The following PCDHA10 variants were observed in gnomAD, a reference collection of about 807,000 sequenced individuals.
The protein encoded by PCDHA10 is protocadherin alpha 10.
In PCDHA10, 45 loss-of-function variants were observed where a neutral mutation model predicts 61.2. The observed-to-expected ratio is 0.74, with a 90% CI of 0.58 to 0.94. PCDHA10 has a LOEUF of 0.94. Ranked by LOEUF, PCDHA10 falls within the 40% of genes least tolerant of loss-of-function variation. The pLI is 0.00. For missense variants in PCDHA10, 1,278 were observed against 1,236.2 expected, an observed-to-expected ratio of 1.03 and a Z score of -0.51; for synonymous variants, 602 against 548.8, an observed-to-expected ratio of 1.10 and a Z score of -1.35.
At chr5:140,877,730 A>C in intron 1 of PCDHA10, 1 of 1,614,146 alleles carries the variant, frequency 6.2e-7, no homozygotes, top group Non-Finnish European at 8.5e-7. Context: ...TACTCGCAGC[A>C]GAGGAGGCAG....
At chr5:140,858,847 CTA>C (rs1554152061) in intron 1 of PCDHA10, 1 of 294,410 alleles carries the variant, frequency 3.4e-6, no homozygotes, top group African/African-American at 2.3e-5. Context: ...TTCCACTGAT[CTA>C]TATCTCTTCA....
At chr5:140,981,077 G>C (rs1178580802) in intron 2 of PCDHA10, among the ~76,000 whole-genome samples, 1 of 152,168 alleles carries the variant, frequency 6.6e-6, no homozygotes, top group Non-Finnish European at 1.5e-5. Flanking sequence ...GGGAAGAATA[G>C]TAAAAGGTCA....
chr5:140,856,851 C>A lies in PCDHA10; in HGVS notation c.803C>A (p.Ser268Ter). Residue 268 changes from serine to a stop codon, truncating the protein, a stop_gained, in exon 1 of 4, where the codon TCG (serine) becomes TAG (stop). Transcript: ENST00000307360. LOFTEE classifies it high-confidence loss of function. ...TLVIRLNASDSDEGINKEMMY... is the reference protein window; with the variant it reads ...TLVIRLNASD Reference sequence around the variant, plus strand: ...GTAATACGGCTCAACGCTTCTGATTCGGATGAAGGAATAAACAAGGAAATG... The same window carrying A: ...GTAATACGGCTCAACGCTTCTGATTAGGATGAAGGAATAAACAAGGAAATG... 6.3e-7 allele frequency: 1 copy of A among 1,593,160 alleles called. No individual in the cohort carries two copies.
intron 1 of PCDHA10, chr5:140,877,468 C>A (rs781957457): frequency 6.2e-7 from 1 of 1,613,810 alleles, no homozygotes; most frequent in South Asian, 1.1e-5. Flanking sequence ...GGCCACGGTG[C>A]TGGTGTCGCT....
intron 1 of PCDHA10, chr5:140,862,516 G>T: frequency 2.4e-6 from 1 of 409,748 alleles, no homozygotes; most frequent in South Asian, 1.9e-5. Flanking sequence ...CGCTTTCATT[G>T]TTGGCCACAG....
intron 1 of PCDHA10, chr5:140,861,762 T>G (rs2047066854): frequency 1.1e-5 from 1 of 90,318 alleles, no homozygotes; most frequent in Non-Finnish European, 2.3e-5. Context: ...TATTTTTCCC[T>G]GGAAATACCA....
intron 1 of PCDHA10, among the ~76,000 whole-genome samples, chr5:140,923,505 G>C (rs1281972725): frequency 6.6e-6 from 1 of 152,118 alleles, no homozygotes; most frequent in East Asian, 1.9e-4. Context: ...CTCCAGCCTG[G>C]ATGATGAAGT....
rs113613111 is a variant in PCDHA10, at chr5:140,862,633, G to A, written c.2388+4197G>A. The A allele has an allele frequency of 2.9e-3, 1,533 of 537,306 alleles. 20 individuals are homozygous for A. The highest frequency in any genetic ancestry group is 0.024 in the African/African-American group (1,268 of 52,230). 33.3% of individuals were successfully genotyped at this position (537,306 alleles called of 1,614,324 possible). Reference sequence around the variant, plus strand: ...AGGTAACAACCCGCGGGGCTGCCACGACTTCACAGTGTCCGCGCGGGACCG... The same window carrying A: ...AGGTAACAACCCGCGGGGCTGCCACAACTTCACAGTGTCCGCGCGGGACCG... On this transcript the variant is annotated intron_variant, in intron 1 of 3. Transcript: ENST00000307360.
rs372500794 is a variant in PCDHA10, at chr5:140,876,782, C to A, written c.2388+18346C>A. 5.6e-6 allele frequency: 9 copies of A among 1,614,096 alleles called. No individual in the cohort carries two copies. The East Asian group carries it at 1.8e-4, about 32-fold the overall frequency. On this transcript the variant is annotated intron_variant, in intron 1 of 3. Transcript: ENST00000307360. ...GATGGGGGCTCGCCTTCGCTGTGGG[C>A]CACGGCTAGAGTGTCCGTGGAGGTG...
At chr5:140,877,935 C>A (rs1184618592) in intron 1 of PCDHA10, 28 of 1,388,566 alleles carry the variant, frequency 2.0e-5, no homozygotes, top group Admixed American at 3.0e-5. Context: ...TGATTCTATC[C>A]TTTAAACTAT....
intron 1 of PCDHA10, among the ~76,000 whole-genome samples, chr5:140,977,960 A>G (rs760810328): frequency 9.2e-5 from 14 of 152,142 alleles, no homozygotes; most frequent in Non-Finnish European, 1.3e-4. Flanking sequence ...GGCCACCTCA[A>G]TCTCCGCCCA....
chr5:140,871,607 AT>A, intron 1 of PCDHA10: 1 of 1,438,710 alleles, frequency 7.0e-7, no homozygotes. Flanking sequence ...AGTGTTTTGA[AT>A]ATTGTTTTAG....
chr5:140,858,781 T>C, intron 1 of PCDHA10: 1 of 406,616 alleles, frequency 2.5e-6, no homozygotes, highest in Non-Finnish European at 4.5e-6. Flanking sequence ...TAGTACTTCA[T>C]GTTATTTCAT....
chr5:140,931,188 G>A (rs782167226), intron 1 of PCDHA10, among the ~76,000 whole-genome samples: 1 of 152,126 alleles, frequency 6.6e-6, no homozygotes, highest in South Asian at 2.1e-4. Flanking sequence ...GGAAATTGGT[G>A]CACTACAATG....
At chr5:140,870,977 T>C in intron 1 of PCDHA10, 2 of 1,613,584 alleles carry the variant, frequency 1.2e-6, no homozygotes. Context: ...CGCGTGGGGC[T>C]GTACACGGGC....
chr5:140,967,838 G>A, intron 1 of PCDHA10: 1 of 1,614,124 alleles, frequency 6.2e-7, no homozygotes, highest in Non-Finnish European at 8.5e-7. Flanking sequence ...CATCGTGGAC[G>A]TGAATGACAA....
intron 3 of PCDHA10, among the ~76,000 whole-genome samples, chr5:140,997,899 G>T (rs2097789789): frequency 6.6e-6 from 1 of 152,126 alleles, no homozygotes; most frequent in Non-Finnish European, 1.5e-5. Context: ...TAAATTTCAA[G>T]AAGTAGAATT....
chr5:141,004,369 C>A (rs1239142670), intron 3 of PCDHA10, among the ~76,000 whole-genome samples: 1 of 152,206 alleles, frequency 6.6e-6, no homozygotes, highest in Non-Finnish European at 1.5e-5. Flanking sequence ...ACACCTTGTT[C>A]TGCTCTGCGG....
rs372235129 is a variant in PCDHA10 at position 140,927,231 on chromosome 5, C to T, written c.2389-51718C>T. On this transcript the variant is annotated intron_variant, in intron 1 of 3. Transcript: ENST00000307360. ...TGGAGCTGCACAAGATTCGGATTCA[C>T]GTCCTGGACACCAATGACAACTCAC... 3.7e-6 allele frequency: 6 copies of T among 1,614,020 alleles called. No individual in the cohort carries two copies. In the African/African-American group the frequency reaches 4.0e-5, roughly 11 times the overall value.
Sources: gnomAD v4.1 joint callset for allele counts (sites outside exome capture counted in the v4.1 genomes callset) on GRCh38, gnomAD v4.1.1 for gene constraint, MANE v1.5 for transcripts, NCBI Gene and HGNC (gene_info 2026-07-23, HGNC 2026-07-21) for gene names.